Variants in ADARB2 observed in about 807,000 individuals in gnomAD.
The protein encoded by ADARB2 is adenosine deaminase RNA specific B2 (inactive).
Under a neutral mutation model 62.2 loss-of-function variants are expected in ADARB2, and 25 were observed. The observed-to-expected ratio is 0.40, with a 90% confidence interval of 0.29 to 0.56. The LOEUF (loss-of-function observed/expected upper bound fraction) is 0.56. ADARB2 is among the 20% of genes least tolerant of loss of function. ADARB2 has a pLI of 0.43. For synonymous variants in ADARB2, 572 were observed against 500.8 expected (o/e 1.14, Z -1.90); for missense variants, 1,071 against 1,077.4 (o/e 0.99, Z 0.08).
chr10:1,609,841 G>T (rs777075917), intron 1 of ADARB2, among the ~76,000 whole-genome samples: 1 of 152,208 alleles, frequency 6.6e-6, no homozygotes, highest in Non-Finnish European at 1.5e-5. Flanking sequence ...ACCTCTCCAG[G>T]TGTCTGGTTT....
intron 3 of ADARB2, among the ~76,000 whole-genome samples, chr10:1,303,913 C>T (rs1409582046): frequency 1.3e-5 from 2 of 152,134 alleles, no homozygotes; most frequent in African/African-American, 4.8e-5. Context: ...CCAGCCACTG[C>T]AAAATCATGC....
chr10:1,512,165 A>G (rs1040076683), intron 1 of ADARB2, among the ~76,000 whole-genome samples: 3 of 152,094 alleles, frequency 2.0e-5, no homozygotes, highest in Admixed American at 2.0e-4. Context: ...ACTAGATACC[A>G]AGACTTTGAT....
At position 1,510,156 on chromosome 10, in the gene ADARB2, C is replaced by CTTTCTTTCTTTCTT. The variant is rs1439854329; in HGVS notation, c.101-131010_101-130997dup. 6.7e-4 allele frequency among the ~76,000 whole-genome samples: 73 copies of CTTTCTTTCTTTCTT among 109,152 alleles called. 1 individual carries two copies. Among genetic ancestry groups the CTTTCTTTCTTTCTT allele is most frequent in the African/African-American group, 2.7e-3 (71 of 26,030 alleles). The allele number at this position is 109,152 out of a possible 152,430, so 71.6% of individuals were successfully genotyped here. On this transcript the variant is annotated intron_variant, in intron 1 of 9. Transcript: ENST00000381312. ...TCTTTCTTTCTTTCTTTCTTTCTTT[C>CTTTCTTTCTTTCTT]TTTCTTTCTTTCTTTTTCTTTCTTT...
chr10:1,645,030 T>A lies in ADARB2; in HGVS notation c.100+92021A>T, dbSNP rs557364239. ...CTAAGGAGGGTGTTTATGTGGTCAG[T>A]GTATATAAAAGGAATGTTATTTTGC... On this transcript the variant is annotated intron_variant, in intron 1 of 9. Coordinates refer to ENST00000381312, the MANE Select transcript of ADARB2 (RefSeq NM_018702.4). Among the ~76,000 whole-genome samples, 14 of 152,232 alleles carry A rather than the reference T, an allele frequency of 9.2e-5. No individual in the cohort carries two copies. The East Asian group carries it at 2.7e-3, about 29-fold the overall frequency.
At chr10:1,328,877 A>G (rs1264879130) in intron 3 of ADARB2, among the ~76,000 whole-genome samples, 1 of 151,892 alleles carries the variant, frequency 6.6e-6, no homozygotes, top group African/African-American at 2.4e-5. Flanking sequence ...CTGCAGTCCC[A>G]GCCACTTGGG....
rs765790012 is a variant in ADARB2, at chr10:1,216,971, G to A, written c.1662C>T (p.Ser554=). Residue 554 remains serine (S), a synonymous_variant, in exon 7 of 10, where the codon TCC becomes TCT. Coordinates refer to ENST00000381312, the MANE Select transcript of ADARB2 (RefSeq NM_018702.4). ...CTCACCTGGCGATCTTGTCCGTGCA[G>A]GACATGGTGATCAGCTGCTCCCCCA... is the stretch of plus-strand genomic sequence containing the variant. ...VLLGEQLITM[S]CTDKIARWNV... 26 of 1,608,080 alleles carry A rather than the reference G, an allele frequency of 1.6e-5. No individual in the cohort carries two copies. The Admixed American group carries it at 4.0e-4, about 25-fold the overall frequency.
intron 1 of ADARB2, among the ~76,000 whole-genome samples, chr10:1,468,961 T>A (rs1037817526): frequency 1.3e-5 from 2 of 152,200 alleles, no homozygotes; most frequent in African/African-American, 2.4e-5. Flanking sequence ...CGTCGGGGTG[T>A]CTTGCCCAAG....
chr10:1,497,217 C>T (rs1171559502), intron 1 of ADARB2, among the ~76,000 whole-genome samples: 1 of 152,162 alleles, frequency 6.6e-6, no homozygotes, highest in Non-Finnish European at 1.5e-5. Context: ...AAGGAGAAAA[C>T]CAAGCTTATG....
intron 6 of ADARB2, among the ~76,000 whole-genome samples, chr10:1,230,394 TCA>T (rs1830793433): frequency 1.3e-5 from 2 of 152,170 alleles, no homozygotes; most frequent in South Asian, 4.1e-4. Context: ...TGGGGGCTTG[TCA>T]CCATCGACAC....
At chr10:1,489,534 G>A (rs1831593474) in intron 1 of ADARB2, among the ~76,000 whole-genome samples, 1 of 152,230 alleles carries the variant, frequency 6.6e-6, no homozygotes, top group Non-Finnish European at 1.5e-5. Context: ...GGATCCGCAA[G>A]TCTCGAGCTT....
At chr10:1,425,370 C>T (rs901887489) in intron 1 of ADARB2, among the ~76,000 whole-genome samples, 7 of 152,172 alleles carry the variant, frequency 4.6e-5, no homozygotes, top group South Asian at 2.1e-4. Context: ...TTAATCTTCC[C>T]GGAGCATAGA....
At chr10:1,277,601 G>C (rs1003771221) in intron 3 of ADARB2, among the ~76,000 whole-genome samples, 6 of 152,258 alleles carry the variant, frequency 3.9e-5, no homozygotes, top group African/African-American at 1.4e-4. Context: ...CTGAAATTGA[G>C]GCAATAATTA....
rs1831071677 is a variant in ADARB2 at position 1,255,460 on chromosome 10, G to A, written c.1193-13161C>T. Among the ~76,000 whole-genome samples, 1 of 152,250 alleles carries A rather than the reference G, an allele frequency of 6.6e-6. No homozygotes were observed. Among genetic ancestry groups the A allele is most frequent in the Non-Finnish European group, 1.5e-5 (1 of 68,052 alleles). On this transcript the variant is annotated intron_variant, in intron 4 of 9. Coordinates refer to ENST00000381312, the MANE Select transcript of ADARB2 (RefSeq NM_018702.4). The surrounding 1 kb of genome is among the most constrained non-coding windows in gnomAD (Gnocchi z 4.7). ...ACATACAACACGACAAAGGCATTGA[G>A]AGAGCCCAGAAACCATGCCAGGCTG... is the stretch of plus-strand genomic sequence containing the variant.
chr10:1,190,274 A>T (rs1389990609), intron 8 of ADARB2, among the ~76,000 whole-genome samples: 1 of 151,826 alleles, frequency 6.6e-6, no homozygotes, highest in Non-Finnish European at 1.5e-5. Flanking sequence ...CACGCTTCTC[A>T]CTCTGCAGGC....
intron 1 of ADARB2, among the ~76,000 whole-genome samples, chr10:1,551,938 G>A (rs1832630251): frequency 6.6e-6 from 1 of 152,226 alleles, no homozygotes; most frequent in South Asian, 2.1e-4. Context: ...TGGAGTCCTG[G>A]CCTCAGGAGG....
At chr10:1,599,698 T>A (rs1833382965) in intron 1 of ADARB2, among the ~76,000 whole-genome samples, 1 of 152,160 alleles carries the variant, frequency 6.6e-6, no homozygotes, top group Non-Finnish European at 1.5e-5. Flanking sequence ...GCACCTGGCC[T>A]CTTAAGTATC....
At chr10:1,449,650 G>A (rs538458454) in intron 1 of ADARB2, among the ~76,000 whole-genome samples, 9 of 152,200 alleles carry the variant, frequency 5.9e-5, no homozygotes, top group South Asian at 2.1e-4. Context: ...ATCCCTGAGA[G>A]TCAGGACCTC....
At chr10:1,357,340 C>T (rs142969093) in intron 3 of ADARB2, among the ~76,000 whole-genome samples, 1 of 152,262 alleles carries the variant, frequency 6.6e-6, no homozygotes, top group East Asian at 1.9e-4. Context: ...TCTGAGTGCT[C>T]TGAGAAAAAT....
At chr10:1,195,633 T>C (rs372113479) in intron 8 of ADARB2, among the ~76,000 whole-genome samples, 2 of 151,882 alleles carry the variant, frequency 1.3e-5, no homozygotes, top group Non-Finnish European at 2.9e-5. Flanking sequence ...TCAGAAGAAT[T>C]GGGATGGTGC....
Sources: allele counts gnomAD v4.1 joint callset (sites outside exome capture counted in the v4.1 genomes callset), GRCh38; gene constraint gnomAD v4.1.1; non-coding constraint Gnocchi (gnomAD v3.1); transcripts MANE v1.5; gene names NCBI Gene and HGNC (gene_info 2026-07-23, HGNC 2026-07-21).